HVCN1: variants seen among roughly 807,000 people sequenced by gnomAD.
HVCN1 encodes hydrogen voltage gated channel 1.
In HVCN1, 14 loss-of-function variants were observed where a neutral mutation model predicts 29.2. The observed-to-expected ratio is 0.48, with a 90% CI of 0.32 to 0.75. The LOEUF (loss-of-function observed/expected upper bound fraction) is 0.75. Among genes scored for constraint, HVCN1 ranks in the 30% least tolerant of loss-of-function variants. The pLI is 0.04. For missense variants in HVCN1, 263 were observed against 341.8 expected (o/e 0.77, Z 1.82); for synonymous variants, 131 against 133.2 (o/e 0.98, Z 0.11).
At position 110,683,177 on chromosome 12, in the gene HVCN1, T is replaced by C. The variant is rs763807740; in HGVS notation, c.21+48A>G. ...TGAAACACCAAACAGAATTATCCTC[T>C]CAAGGCTGGGATATCCTCTAATGCT... On this transcript the variant is annotated intron_variant, in intron 3 of 7. Coordinates refer to ENST00000242607, the MANE Select transcript of HVCN1 (RefSeq NM_032369.4). 3 of 1,613,404 alleles carry C rather than the reference T, an allele frequency of 1.9e-6. No individual in the cohort carries two copies. The African/African-American group carries it at 4.0e-5, about 22-fold the overall frequency.
intron 2 of HVCN1, among the ~76,000 whole-genome samples, chr12:110,698,342 T>C (rs1328282656): frequency 6.6e-6 from 1 of 152,178 alleles, no homozygotes; most frequent in Non-Finnish European, 1.5e-5. Context: ...ATTGGGAAGA[T>C]GGAGGCAGAA....
chr12:110,676,480 T>C lies in HVCN1; in HGVS notation c.21+6745A>G, dbSNP rs2068755317. On this transcript the variant is annotated intron_variant, in intron 3 of 7. Transcript: ENST00000242607. The surrounding 1 kb of genome is among the most constrained non-coding windows in gnomAD (Gnocchi z 4.1). The stretch of plus-strand genomic sequence containing the variant: ...CCATTCCCTGATAAGAGCAGCTCAT[T>C]GTGCCTAGACTGCTTGTGGAAACAG... Among the ~76,000 whole-genome samples the C allele has an allele frequency of 1.3e-5, 2 of 152,210 alleles. No individual in the cohort carries two copies. The highest frequency in any genetic ancestry group is 4.8e-5 in the African/African-American group (2 of 41,452).
chr12:110,659,656 C>T (rs553582114), intron 4 of HVCN1, among the ~76,000 whole-genome samples: 12 of 152,300 alleles, frequency 7.9e-5, no homozygotes, highest in South Asian at 2.1e-4. Flanking sequence ...TGGTGGCTCA[C>T]GCCTGTAATC....
At chr12:110,666,514 A>T (rs1020459528) in intron 3 of HVCN1, among the ~76,000 whole-genome samples, 5 of 152,192 alleles carry the variant, frequency 3.3e-5, no homozygotes, top group Non-Finnish European at 7.4e-5. Flanking sequence ...GAGAAAAAAA[A>T]GCTGAAAGGA....
intron 3 of HVCN1, among the ~76,000 whole-genome samples, chr12:110,681,679 C>T (rs2068978070): frequency 6.6e-6 from 1 of 152,154 alleles, no homozygotes; most frequent in South Asian, 2.1e-4. Flanking sequence ...TCATCATCAT[C>T]CCGTGGTCAT....
At chr12:110,701,905 A>G (rs1400322820) in intron 2 of HVCN1, among the ~76,000 whole-genome samples, 1 of 151,156 alleles carries the variant, frequency 6.6e-6, no homozygotes, top group East Asian at 2.0e-4. Context: ...CAACAACAAC[A>G]ACAACAACAA....
intron 1 of HVCN1, among the ~76,000 whole-genome samples, chr12:110,703,939 C>A (rs866228654): frequency 6.6e-6 from 1 of 152,210 alleles, no homozygotes; most frequent in Non-Finnish European, 1.5e-5. Flanking sequence ...CCCACCTCGG[C>A]CTCCCAAAGT....
At chr12:110,687,592 G>A (rs551605120) in intron 2 of HVCN1, among the ~76,000 whole-genome samples, 1 of 152,130 alleles carries the variant, frequency 6.6e-6, no homozygotes, top group East Asian at 1.9e-4. Context: ...GGATTTGGAT[G>A]GAAGTGAGGG....
chr12:110,667,728 C>G (rs1193187494), intron 3 of HVCN1, among the ~76,000 whole-genome samples: 3 of 152,192 alleles, frequency 2.0e-5, no homozygotes, highest in Non-Finnish European at 4.4e-5. Flanking sequence ...CCATGCCTGA[C>G]CCCATACTTT....
chr12:110,666,072 C>T (rs1043962380), intron 3 of HVCN1, among the ~76,000 whole-genome samples: 10 of 150,542 alleles, frequency 6.6e-5, no homozygotes, highest in Non-Finnish European at 1.3e-4. Flanking sequence ...AGTATATATA[C>T]GAAATGAAAA....
intron 7 of HVCN1, 35 bp downstream of exon 7, chr12:110,650,119 ACAGGCATGAGCCAC>A: frequency 7.8e-7 from 1 of 1,274,252 alleles, no homozygotes; most frequent in South Asian, 1.2e-5. Context: ...TGCTAGGATT[ACAGGCATGAGCCAC>A]CACGCCTGGT....
intron 3 of HVCN1, among the ~76,000 whole-genome samples, chr12:110,664,904 T>C (rs183257525): frequency 2.2e-4 from 33 of 152,202 alleles, no homozygotes; most frequent in African/African-American, 6.0e-4. Context: ...AGAAATTACA[T>C]AGGACTGGGT....
At chr12:110,704,719 G>A (rs902926751) in intron 1 of HVCN1, among the ~76,000 whole-genome samples, 1 of 152,160 alleles carries the variant, frequency 6.6e-6, no homozygotes, top group Non-Finnish European at 1.5e-5. Flanking sequence ...CAAATGCAGG[G>A]GTAGTAGCTA....
At chr12:110,662,147 C>T (rs996672647) in intron 3 of HVCN1, among the ~76,000 whole-genome samples, 4 of 152,206 alleles carry the variant, frequency 2.6e-5, no homozygotes, top group African/African-American at 7.2e-5. Flanking sequence ...CCCAATGTCC[C>T]TGAGGGAGCC....
chr12:110,654,524 G>C (rs1423518760), intron 5 of HVCN1, among the ~76,000 whole-genome samples: 5 of 149,816 alleles, frequency 3.3e-5, no homozygotes, highest in African/African-American at 1.2e-4. Context: ...TGTTGCCCGG[G>C]CTGGAGTGCA....
intron 6 of HVCN1, 61 bp from the exon 7 acceptor site, chr12:110,650,341 A>G (rs1028559126): frequency 7.8e-6 from 8 of 1,028,720 alleles, no homozygotes; most frequent in African/African-American, 6.3e-5. Context: ...CAGGAAAAAA[A>G]TCTGTATTCT....
At chr12:110,659,013 CT>C (rs1290101759) in intron 4 of HVCN1, among the ~76,000 whole-genome samples, 5 of 152,200 alleles carry the variant, frequency 3.3e-5, no homozygotes, top group Non-Finnish European at 7.3e-5. Flanking sequence ...TGTTTCCTTC[CT>C]TCTGCTCCTG....
chr12:110,678,200 G>T (rs777216907), intron 3 of HVCN1, among the ~76,000 whole-genome samples: 7 of 152,116 alleles, frequency 4.6e-5, no homozygotes, highest in Admixed American at 2.6e-4. Flanking sequence ...TCCAACCCAG[G>T]CTGCCAAGCC....
In HVCN1 at chr12:110,655,746, C is replaced by T. The variant is rs1343853317; in HGVS notation, c.307-408G>A. 4.6e-5 allele frequency among the ~76,000 whole-genome samples: 7 copies of T among 150,852 alleles called. No individual in the cohort carries two copies. The East Asian group carries it at 5.8e-4, about 13-fold the overall frequency. On this transcript the variant is annotated intron_variant, in intron 4 of 7. Transcript: ENST00000242607. The stretch of plus-strand genomic sequence containing the variant: ...TTGAGACAGAGTCTTGTTTTGTCAC[C>T]GAGGCTGGAGTACAGTGGCATGATC...
Sources: gnomAD v4.1 joint callset for allele counts (sites outside exome capture counted in the v4.1 genomes callset) on GRCh38, gnomAD v4.1.1 for gene constraint, Gnocchi (gnomAD v3.1) non-coding constraint, MANE v1.5 for transcripts, NCBI Gene and HGNC (gene_info 2026-07-23, HGNC 2026-07-21) for gene names.